DPYD: variants seen among roughly 807,000 people sequenced by gnomAD.
DPYD encodes the protein dihydropyrimidine dehydrogenase, also known as dihydropyrimidine dehydrogenase [NADP(+)].
In DPYD, 109 loss-of-function variants were observed where a neutral mutation model predicts 116.2. The observed-to-expected ratio is 0.94, with a 90% CI of 0.80 to 1.10. DPYD has a LOEUF of 1.10. Among genes scored for constraint, DPYD ranks in the 50% least tolerant of loss-of-function variants. The pLI is 0.00. For synonymous variants in DPYD, 440 were observed against 432.0 expected (o/e 1.02, Z -0.23); for missense variants, 1,302 against 1,254.5 (o/e 1.04, Z -0.57).
intron 4 of DPYD, among the ~76,000 whole-genome samples, chr1:97,724,032 C>T (rs1663070720): frequency 6.6e-6 from 1 of 151,374 alleles, no homozygotes; most frequent in African/African-American, 2.4e-5. Context: ...GAATAAAAGA[C>T]AAAAAATCAC....
chr1:97,130,906 A>G (rs1321883440), intron 20 of DPYD, among the ~76,000 whole-genome samples: 3 of 81,830 alleles, frequency 3.7e-5, no homozygotes, highest in South Asian at 4.4e-4. Context: ...TCCCTCCCTC[A>G]CTCCCTCCCT....
At chr1:97,674,031 T>A (rs1196452320) in intron 8 of DPYD, among the ~76,000 whole-genome samples, 2 of 152,140 alleles carry the variant, frequency 1.3e-5, no homozygotes, top group Non-Finnish European at 2.9e-5. Flanking sequence ...CTTTTCTTTA[T>A]CTGGAAGGAA....
At chr1:97,439,704 C>T (rs10875088) in intron 14 of DPYD, among the ~76,000 whole-genome samples, 56,293 of 151,610 alleles carry the variant, frequency 0.37, 10,972 homozygotes, top group East Asian at 0.64. Context: ...TTTCTTTTTC[C>T]AATTTCATTT....
intron 2 of DPYD, among the ~76,000 whole-genome samples, chr1:97,869,696 T>A (rs1164795599): frequency 1.3e-5 from 2 of 151,788 alleles, no homozygotes; most frequent in Non-Finnish European, 2.9e-5. Context: ...ATAGCCCTTA[T>A]CTTCCATTGG....
chr1:97,230,355 C>T (rs12729191), intron 19 of DPYD, among the ~76,000 whole-genome samples: 14,396 of 152,146 alleles, frequency 0.095, 893 homozygotes, highest in South Asian at 0.22. Flanking sequence ...GAGCTGGAGG[C>T]CATTATCCTT....
At chr1:97,840,862 T>C (rs1374081033) in intron 2 of DPYD, among the ~76,000 whole-genome samples, 2 of 152,130 alleles carry the variant, frequency 1.3e-5, no homozygotes, top group African/African-American at 4.8e-5. Context: ...ACATACGAAG[T>C]TTCCAAAATT....
At chr1:97,699,644 C>A (rs2100972979) in intron 5 of DPYD, 97 bp from the exon 6 acceptor site, 1 of 1,181,374 alleles carries the variant, frequency 8.5e-7, no homozygotes, top group Non-Finnish European at 1.3e-6. Flanking sequence ...TTTTAAATAG[C>A]AATGAGCAGT....
chr1:97,673,342 C>T (rs1388733314), intron 8 of DPYD, among the ~76,000 whole-genome samples: 1 of 152,084 alleles, frequency 6.6e-6, no homozygotes, highest in Non-Finnish European at 1.5e-5. Flanking sequence ...ACTATTCCTA[C>T]TTGGAATAGT....
intron 3 of DPYD, among the ~76,000 whole-genome samples, chr1:97,764,833 A>G (rs1328594514): frequency 3.3e-5 from 5 of 152,122 alleles, no homozygotes; most frequent in African/African-American, 1.2e-4. Context: ...ATTTTAATTT[A>G]TATTATATCT....
chr1:97,877,696 G>A (rs905528241), intron 2 of DPYD, among the ~76,000 whole-genome samples: 5 of 152,002 alleles, frequency 3.3e-5, no homozygotes, highest in Admixed American at 3.3e-4. Context: ...ATAACAGGAG[G>A]CAAGGGTAGA....
At chr1:97,282,706 C>T (rs1665405167) in intron 18 of DPYD, among the ~76,000 whole-genome samples, 2 of 152,044 alleles carry the variant, frequency 1.3e-5, no homozygotes, top group Admixed American at 6.6e-5. Context: ...TAGTTTCTAT[C>T]CTCACCCTCC....
intron 20 of DPYD, among the ~76,000 whole-genome samples, chr1:97,187,430 T>C (rs1426201087): frequency 6.6e-6 from 1 of 152,144 alleles, no homozygotes; most frequent in Non-Finnish European, 1.5e-5. Flanking sequence ...GTTACTTGTT[T>C]GTTGTTGTTG....
intron 14 of DPYD, among the ~76,000 whole-genome samples, chr1:97,404,079 C>A (rs1673517125): frequency 6.6e-6 from 1 of 151,908 alleles, no homozygotes; most frequent in African/African-American, 2.4e-5. Flanking sequence ...GTTGTTTAAT[C>A]TCTGTATATT....
intron 5 of DPYD, among the ~76,000 whole-genome samples, chr1:97,717,387 C>T (rs1186162960): frequency 6.6e-6 from 1 of 152,072 alleles, no homozygotes; most frequent in African/African-American, 2.4e-5. Flanking sequence ...ATTTCATCTA[C>T]AATTGCTTGT....
intron 14 of DPYD, among the ~76,000 whole-genome samples, chr1:97,403,001 C>T (rs971452079): frequency 4.6e-5 from 7 of 151,990 alleles, no homozygotes; most frequent in Admixed American, 3.9e-4. Context: ...TACATTGTTG[C>T]GTTGAATTTG....
intron 14 of DPYD, among the ~76,000 whole-genome samples, chr1:97,400,616 T>A (rs1285324775): frequency 6.6e-6 from 1 of 152,158 alleles, no homozygotes; most frequent in African/African-American, 2.4e-5. Flanking sequence ...AATTATTGCC[T>A]CAATTTCAGA....
chr1:97,294,575 T>A (rs1329056261), intron 18 of DPYD, among the ~76,000 whole-genome samples: 1 of 152,164 alleles, frequency 6.6e-6, no homozygotes, highest in Non-Finnish European at 1.5e-5. Context: ...AGGTGAGACA[T>A]ATGCAGGAAC....
At chr1:97,253,936 T>A (rs1663273660) in intron 18 of DPYD, among the ~76,000 whole-genome samples, 1 of 152,136 alleles carries the variant, frequency 6.6e-6, no homozygotes, top group Non-Finnish European at 1.5e-5. Flanking sequence ...TCATAGCTAT[T>A]TTAATTAATT....
intron 8 of DPYD, among the ~76,000 whole-genome samples, chr1:97,661,120 G>A (rs1363869165): frequency 6.6e-6 from 1 of 152,066 alleles, no homozygotes; most frequent in Non-Finnish European, 1.5e-5. Context: ...CATATTAGAG[G>A]AGAAATAATT....
Sources: gnomAD v4.1 joint callset for allele counts (sites outside exome capture counted in the v4.1 genomes callset) on GRCh38, gnomAD v4.1.1 for gene constraint, MANE v1.5 for transcripts, NCBI Gene and HGNC (gene_info 2026-07-23, HGNC 2026-07-21) for gene names.